OPCML: variants seen among roughly 807,000 people sequenced by gnomAD.
OPCML encodes the protein opioid-binding protein/cell adhesion molecule.
Under a neutral mutation model 37.8 loss-of-function variants are expected in OPCML, and 13 were observed. The ratio of observed to expected loss-of-function variants is 0.34; its 90% CI spans 0.22 to 0.55. The LOEUF (loss-of-function observed/expected upper bound fraction) is 0.55, where lower values mean the gene tolerates loss of function less well. Ranked by LOEUF, OPCML falls within the 20% of genes least tolerant of loss-of-function variation. The pLI is 0.91. For missense variants in OPCML, 341 were observed against 435.6 expected (o/e 0.78, Z 1.93); for synonymous variants, 176 against 168.8 (o/e 1.04, Z -0.33).
intron 1 of OPCML, among the ~76,000 whole-genome samples, chr11:132,983,854 A>G (rs1946637667): frequency 6.6e-6 from 1 of 152,218 alleles, no homozygotes; most frequent in Non-Finnish European, 1.5e-5. Flanking sequence ...TTCTACTGGT[A>G]AAAGTGAAGA....
intron 4 of OPCML, among the ~76,000 whole-genome samples, chr11:132,446,710 G>A (rs1014779340): frequency 7.6e-4 from 115 of 152,148 alleles, no homozygotes; most frequent in African/African-American, 2.6e-3. Context: ...GTATCAACAA[G>A]CTAAAGTGAA....
intron 3 of OPCML, among the ~76,000 whole-genome samples, chr11:132,565,451 A>G (rs1591558255): frequency 6.6e-6 from 1 of 152,276 alleles, no homozygotes. Flanking sequence ...CAGTGCATGA[A>G]TGGACCCACA....
intron 4 of OPCML, among the ~76,000 whole-genome samples, chr11:132,442,584 T>C (rs955736678): frequency 2.0e-5 from 3 of 152,058 alleles, no homozygotes; most frequent in Non-Finnish European, 4.4e-5. Flanking sequence ...TTTTAGGAGG[T>C]GAAGATAGGG....
chr11:132,995,933 A>G (rs1223654326), intron 1 of OPCML, among the ~76,000 whole-genome samples: 1 of 152,188 alleles, frequency 6.6e-6, no homozygotes, highest in Non-Finnish European at 1.5e-5. Context: ...ATCAACCAAA[A>G]TAAGATGAAA....
intron 2 of OPCML, among the ~76,000 whole-genome samples, chr11:132,723,892 G>A (rs1179094927): frequency 6.6e-6 from 1 of 152,196 alleles, no homozygotes; most frequent in Non-Finnish European, 1.5e-5. Context: ...AGAAGGGGGT[G>A]GAAAATCTGC....
rs1272061685 is a variant in OPCML, at chr11:133,140,531, T to TAATAATAATAATAAGAAGAAGAAG, written c.62-197522_62-197521insCTTCTTCTTCTTATTATTATTATT. Among the ~76,000 whole-genome samples, 242 of 88,062 alleles carry TAATAATAATAATAAGAAGAAGAAG rather than the reference T, an allele frequency of 2.7e-3. 1 individual carries two copies. The highest frequency in any genetic ancestry group is 3.7e-3 in the Non-Finnish European group (169 of 45,186). The allele number at this position is 88,062 out of a possible 152,430, so 57.8% of individuals were successfully genotyped here. On this transcript the variant is annotated intron_variant, in intron 1 of 7. Transcript: ENST00000524381. ...TGTCTCAAAATAATAATAATAATAA[T>TAATAATAATAATAAGAAGAAGAAG]AAGAAGAAGAAGAAGAAGAAGAAGA... is the stretch of plus-strand genomic sequence containing the variant.
At chr11:132,575,869 C>CT (rs1262159533) in intron 3 of OPCML, among the ~76,000 whole-genome samples, 2 of 151,976 alleles carry the variant, frequency 1.3e-5, no homozygotes, top group African/African-American at 4.8e-5. Context: ...CTGAAAACAT[C>CT]TTTTTTGTCT....
Position 133,174,509 on chromosome 11 carries a change from G to A in OPCML, c.62-231499C>T, listed in dbSNP as rs73025417. ...ACGTAAAGGTGATTATGAACATTAC[G>A]ATTTATAATAGTGGAGGACTGGAAG... On this transcript the variant is annotated intron_variant, in intron 1 of 7. Coordinates refer to ENST00000524381, the MANE Select transcript of OPCML (RefSeq NM_001012393.5). This position sits in a 1 kb window ranked among gnomAD's most constrained non-coding sequence, Gnocchi z 4.6. 2.6e-4 allele frequency among the ~76,000 whole-genome samples: 40 copies of A among 152,092 alleles called. No individual in the cohort carries two copies. The highest frequency in any genetic ancestry group is 6.8e-3 in the Middle Eastern group (2 of 294).
At chr11:133,305,482 T>G (rs757336795) in intron 1 of OPCML, among the ~76,000 whole-genome samples, 1 of 152,246 alleles carries the variant, frequency 6.6e-6, no homozygotes, top group African/African-American at 2.4e-5. Flanking sequence ...TGAGAATTAT[T>G]TAAGTGCCTT....
intron 1 of OPCML, among the ~76,000 whole-genome samples, chr11:133,020,182 G>A (rs1347183462): frequency 2.0e-5 from 3 of 152,228 alleles, no homozygotes; most frequent in African/African-American, 7.2e-5. Context: ...TCCTTGCAGG[G>A]CTGCTGGGTA....
intron 1 of OPCML, among the ~76,000 whole-genome samples, chr11:132,990,227 G>A (rs1207367382): frequency 6.6e-6 from 1 of 152,190 alleles, no homozygotes; most frequent in African/African-American, 2.4e-5. Context: ...TGCCTACAGG[G>A]CGTGCACCGA....
At chr11:133,171,063 A>T (rs1950282427) in intron 1 of OPCML, among the ~76,000 whole-genome samples, 1 of 152,246 alleles carries the variant, frequency 6.6e-6, no homozygotes, top group East Asian at 1.9e-4. Flanking sequence ...CCAGCAAGAC[A>T]GCTGAAAGTC....
intron 2 of OPCML, among the ~76,000 whole-genome samples, chr11:132,729,820 C>T (rs1335287067): frequency 6.6e-6 from 1 of 152,022 alleles, no homozygotes; most frequent in Admixed American, 6.6e-5. Context: ...AAGGAAGAAG[C>T]CAGCCCAGGT....
intron 2 of OPCML, among the ~76,000 whole-genome samples, chr11:132,833,122 G>T (rs192427503): frequency 2.7e-5 from 4 of 147,486 alleles, no homozygotes; most frequent in Admixed American, 6.8e-5. Flanking sequence ...ACTAATCTTC[G>T]CATTATGTAA....
chr11:133,430,851 A>G (rs990211441), intron 1 of OPCML, among the ~76,000 whole-genome samples: 1 of 152,202 alleles, frequency 6.6e-6, no homozygotes, highest in South Asian at 2.1e-4. Flanking sequence ...GAAGTTGTCA[A>G]CCTCTAAAAT....
intron 2 of OPCML, among the ~76,000 whole-genome samples, chr11:132,909,063 G>A (rs1256088530): frequency 1.3e-5 from 2 of 152,206 alleles, no homozygotes; most frequent in Non-Finnish European, 2.9e-5. Flanking sequence ...AAGCATCAGT[G>A]CGGGATGCCC....
intron 2 of OPCML, among the ~76,000 whole-genome samples, chr11:132,938,281 T>A (rs554966551): frequency 8.6e-4 from 131 of 151,774 alleles, no homozygotes; most frequent in Non-Finnish European, 1.5e-3. Context: ...TAACCACACA[T>A]GAAAAAATAA....
intron 1 of OPCML, among the ~76,000 whole-genome samples, chr11:132,994,494 C>T (rs1312284167): frequency 1.3e-5 from 2 of 152,092 alleles, no homozygotes; most frequent in Non-Finnish European, 2.9e-5. Flanking sequence ...AAAGGAACTT[C>T]CAGCGACCAG....
chr11:133,049,242 A>G (rs890435623), intron 1 of OPCML, among the ~76,000 whole-genome samples: 5 of 152,248 alleles, frequency 3.3e-5, no homozygotes, highest in African/African-American at 1.2e-4. Flanking sequence ...GGAAGCCCAC[A>G]GCCATAATCT....
Sources: gnomAD v4.1 joint callset for allele counts (sites outside exome capture counted in the v4.1 genomes callset) on GRCh38, gnomAD v4.1.1 for gene constraint, Gnocchi (gnomAD v3.1) non-coding constraint, MANE v1.5 for transcripts, NCBI Gene and HGNC (gene_info 2026-07-23, HGNC 2026-07-21) for gene names.